LRMDA: variants seen among roughly 807,000 people sequenced by gnomAD.
LRMDA encodes the protein leucine-rich melanocyte differentiation-associated protein.
In LRMDA, 18 loss-of-function variants were observed where a neutral mutation model predicts 29.8. The observed-to-expected ratio is 0.60, with a 90% CI of 0.42 to 0.90. The LOEUF is 0.90. Ranked by LOEUF, LRMDA falls within the 40% of genes least tolerant of loss-of-function variation. The pLI, the probability that LRMDA is intolerant of heterozygous loss-of-function variation, is 0.00. For synonymous variants in LRMDA, 125 were observed against 109.4 expected (o/e 1.14, Z -0.89); for missense variants, 273 against 273.9 (o/e 1.00, Z 0.02).
chr10:75,981,197 G>T (rs530339668), intron 2 of LRMDA, among the ~76,000 whole-genome samples: 1 of 152,138 alleles, frequency 6.6e-6, no homozygotes, highest in South Asian at 2.1e-4. Context: ...TTGCTGGCTT[G>T]GTGTGTGTCT....
chr10:76,394,337 A>G (rs1049847295), intron 6 of LRMDA, among the ~76,000 whole-genome samples: 3 of 152,122 alleles, frequency 2.0e-5, no homozygotes, highest in Admixed American at 1.3e-4. Flanking sequence ...TAAGAGTCCA[A>G]ATGTTCTGTA....
chr10:75,774,446 T>G (rs1843282990), intron 2 of LRMDA, among the ~76,000 whole-genome samples: 1 of 151,646 alleles, frequency 6.6e-6, no homozygotes, highest in African/African-American at 2.4e-5. Flanking sequence ...TCAAAAATAA[T>G]TAATAATATT....
intron 6 of LRMDA, among the ~76,000 whole-genome samples, chr10:76,486,726 C>T (rs766241417): frequency 1.3e-5 from 2 of 151,878 alleles, no homozygotes; most frequent in African/African-American, 2.4e-5. Flanking sequence ...CACCTCCCCA[C>T]TCTTTGGACA....
At chr10:75,971,632 C>T (rs2132439324) in intron 2 of LRMDA, among the ~76,000 whole-genome samples, 1 of 152,256 alleles carries the variant, frequency 6.6e-6, no homozygotes, top group South Asian at 2.1e-4. Flanking sequence ...TATTCTGGCC[C>T]TCTTGGACTC....
intron 2 of LRMDA, among the ~76,000 whole-genome samples, chr10:75,680,358 A>G (rs1363596345): frequency 2.0e-5 from 3 of 152,192 alleles, no homozygotes; most frequent in Non-Finnish European, 4.4e-5. Context: ...AAATGTTAAG[A>G]AGAAGGAAAG....
intron 5 of LRMDA, among the ~76,000 whole-genome samples, chr10:76,144,925 G>A (rs1342702412): frequency 6.6e-6 from 1 of 152,102 alleles, no homozygotes; most frequent in African/African-American, 2.4e-5. Flanking sequence ...TTTGTCAAAG[G>A]CCTCTTCTGC....
intron 2 of LRMDA, among the ~76,000 whole-genome samples, chr10:75,483,570 A>G (rs987830678): frequency 1.3e-5 from 2 of 152,238 alleles, no homozygotes; most frequent in African/African-American, 4.8e-5. Context: ...AACAGGATTA[A>G]TACCTACTTC....
intron 5 of LRMDA, among the ~76,000 whole-genome samples, chr10:76,307,063 C>G (rs114504318): frequency 0.012 from 1,849 of 152,212 alleles, 35 homozygotes; most frequent in African/African-American, 0.042. Flanking sequence ...AGCTCTTAGT[C>G]TAGCTTTTTG....
intron 5 of LRMDA, among the ~76,000 whole-genome samples, chr10:76,177,663 G>A (rs965449446): frequency 2.6e-5 from 4 of 152,084 alleles, no homozygotes; most frequent in African/African-American, 7.2e-5. Flanking sequence ...AATATTGGCT[G>A]GATTAGTAAC....
chr10:75,887,196 CAAA>C (rs1399660471), intron 2 of LRMDA, among the ~76,000 whole-genome samples: 1 of 150,062 alleles, frequency 6.7e-6, no homozygotes, highest in African/African-American at 2.4e-5. Context: ...TAAATAATAA[CAAA>C]ATAATATATA....
At chr10:76,254,594 G>C (rs1852556801) in intron 5 of LRMDA, among the ~76,000 whole-genome samples, 1 of 151,980 alleles carries the variant, frequency 6.6e-6, no homozygotes, top group Non-Finnish European at 1.5e-5. Context: ...GTTTGATCAT[G>C]TTGGCATTTG....
At chr10:76,125,646 G>T (rs1849867183) in intron 5 of LRMDA, among the ~76,000 whole-genome samples, 1 of 152,174 alleles carries the variant, frequency 6.6e-6, no homozygotes, top group Non-Finnish European at 1.5e-5. Context: ...AAAAGGTGGG[G>T]TCTGTCACCT....
intron 5 of LRMDA, among the ~76,000 whole-genome samples, chr10:76,294,153 A>G (rs1352305662): frequency 6.6e-6 from 1 of 152,186 alleles, no homozygotes; most frequent in African/African-American, 2.4e-5. Context: ...TAAACTTGGT[A>G]TTAAGTTTTT....
At chr10:75,456,687 T>C (rs4307658) in intron 2 of LRMDA, among the ~76,000 whole-genome samples, 142,068 of 152,302 alleles carry the variant, frequency 0.93, 66,379 homozygotes, top group East Asian at 0.98. Context: ...TATTTTATTT[T>C]GTTTTTTGAA....
At chr10:75,459,369 T>A (rs1012449362) in intron 2 of LRMDA, among the ~76,000 whole-genome samples, 3 of 152,116 alleles carry the variant, frequency 2.0e-5, no homozygotes, top group Non-Finnish European at 4.4e-5. Context: ...CCAGGAGTTT[T>A]GAATTCTGCA....
At chr10:76,103,128 T>G (rs1170409414) in intron 5 of LRMDA, among the ~76,000 whole-genome samples, 2 of 152,240 alleles carry the variant, frequency 1.3e-5, no homozygotes, top group African/African-American at 4.8e-5. Flanking sequence ...TTTTCATTAT[T>G]GAAGTAAGAC....
At chr10:75,826,215 A>T (rs1387480003) in intron 2 of LRMDA, among the ~76,000 whole-genome samples, 1 of 152,092 alleles carries the variant, frequency 6.6e-6, no homozygotes, top group Non-Finnish European at 1.5e-5. Context: ...TTTTGGTATA[A>T]CTCTTTCTTC....
At chr10:76,110,522 C>A (rs1042720608) in intron 5 of LRMDA, among the ~76,000 whole-genome samples, 3 of 152,092 alleles carry the variant, frequency 2.0e-5, no homozygotes, top group African/African-American at 7.2e-5. Context: ...TGGCTGTGGC[C>A]CCACCCAAAT....
intron 2 of LRMDA, among the ~76,000 whole-genome samples, chr10:75,629,427 A>G (rs886565490): frequency 1.3e-5 from 2 of 152,200 alleles, no homozygotes; most frequent in African/African-American, 4.8e-5. Flanking sequence ...GTTCTCCTAC[A>G]CATGTCATTG....
Sources: allele counts gnomAD v4.1 joint callset (sites outside exome capture counted in the v4.1 genomes callset), GRCh38; gene constraint gnomAD v4.1.1; transcripts MANE v1.5; gene names NCBI Gene and HGNC (gene_info 2026-07-23, HGNC 2026-07-21).